Variants in KLHL41 observed in about 807,000 individuals in gnomAD.
The protein encoded by KLHL41 is kelch-like protein 41.
KLHL41 carries 31 observed loss-of-function variants against 49.2 expected under a neutral mutation model. The observed-to-expected ratio is 0.63, with a 90% CI of 0.47 to 0.85. The LOEUF (loss-of-function observed/expected upper bound fraction) is 0.85. Ranked by LOEUF, KLHL41 falls within the 40% of genes least tolerant of loss-of-function variation. The pLI is 0.00. For missense variants in KLHL41, 663 were observed against 726.7 expected (o/e 0.91, Z 1.01); for synonymous variants, 218 against 258.5 (o/e 0.84, Z 1.50).
rs191852858 is a variant in KLHL41 at position 169,520,121 on chromosome 2, G to A, written c.1563-740G>A. On this transcript the variant is annotated intron_variant, in intron 4 of 5. Transcript: ENST00000284669. Reference sequence around the variant, plus strand: ...CTCAAGAGATCCTCCCAAGTAGCTGGGACTATAGGGACATACCACCAGGCC... The same window carrying A: ...CTCAAGAGATCCTCCCAAGTAGCTGAGACTATAGGGACATACCACCAGGCC... Among the ~76,000 whole-genome samples the A allele has an allele frequency of 4.7e-3, 701 of 149,280 alleles. 4 individuals carry two copies. Among genetic ancestry groups the A allele is most frequent in the Non-Finnish European group, 7.2e-3 (483 of 67,542 alleles).
intron 1 of KLHL41, among the ~76,000 whole-genome samples, chr2:169,513,162 T>C (rs1684056375): frequency 6.6e-6 from 1 of 152,210 alleles, no homozygotes; most frequent in African/African-American, 2.4e-5. Flanking sequence ...TATGGGATTA[T>C]GATGGCTGCT....
rs187532004 is a variant in KLHL41, at chr2:169,523,179, T to C, written c.1709+2172T>C. On this transcript the variant is annotated intron_variant, in intron 5 of 5. Transcript: ENST00000284669. ...AACAGTTACAGGCAGCAAAAGAAAG[T>C]ACAGAATCTCCTGCTATAAAAGTGG... Among the ~76,000 whole-genome samples the C allele has an allele frequency of 9.7e-4, 148 of 152,256 alleles. 1 individual carries two copies. Among genetic ancestry groups the C allele is most frequent in the Non-Finnish European group, 9.6e-4 (65 of 68,000 alleles).
Position 169,510,972 on chromosome 2 carries a change from A to G in KLHL41, c.1110+84A>G, listed in dbSNP as rs1023535195. 13 of 1,189,820 alleles carry G rather than the reference A, an allele frequency of 1.1e-5. No individual in the cohort carries two copies. In the East Asian group the frequency reaches 1.9e-4, roughly 17 times the overall value. 73.7% of individuals were successfully genotyped at this position (1,189,820 alleles called of 1,614,324 possible). ...AGTTAGCCAATTTGTGAATTATTCA[A>G]GCTGCTTGCATTTTACTCTAATTGA... On this transcript the variant is annotated intron_variant, in intron 1 of 5. Transcript: ENST00000284669. This position sits in a 1 kb window ranked among gnomAD's most constrained non-coding sequence, Gnocchi z 4.2.
chr2:169,525,732 T>C lies in KLHL41; in HGVS notation c.*36T>C, dbSNP rs1270028564. 3.3e-6 allele frequency: 4 copies of C among 1,221,400 alleles called. No individual in the cohort carries two copies. In the East Asian group the frequency reaches 7.0e-5, roughly 21 times the overall value. 75.7% of individuals were successfully genotyped at this position (1,221,400 alleles called of 1,614,324 possible). A position where few individuals can be genotyped will look rare whatever the true frequency, so the allele number is the denominator to read the frequency against. Reference sequence around the variant, plus strand: ...AAAACATAATAGATTGGGAGGTGGTTTGTTTGGTGAATGGGGCTTTAATTT... The same window carrying C: ...AAAACATAATAGATTGGGAGGTGGTCTGTTTGGTGAATGGGGCTTTAATTT... On this transcript the variant is annotated 3_prime_UTR_variant, in exon 6 of 6. Transcript: ENST00000284669.
rs1170762462 is a variant in KLHL41 at position 169,510,577 on chromosome 2, A to T, written c.799A>T (p.Ser267Cys). 1.2e-6 allele frequency: 2 copies of T among 1,614,206 alleles called. No individual in the cohort carries two copies. The highest frequency in any genetic ancestry group is 1.7e-6 in the Non-Finnish European group (2 of 1,180,028). ...DAFAGKLPEP[S>C]KNAAKTGAGE... is the part of the protein sequence containing the mutation. ...TTTCGCAGGCAAACTCCCAGAACCTAGCAAAAATGCCGCGAAGACTGGGGC... is the reference window on the plus strand; with the variant it reads ...TTTCGCAGGCAAACTCCCAGAACCTTGCAAAAATGCCGCGAAGACTGGGGC... The change falls in exon 1 of 6, where the codon AGC becomes TGC. Residue 267 changes from serine (S) to cysteine (C), a missense_variant. This residue lies in a region of KLHL41 where 528 missense variants were observed against 581.0 expected (regional missense o/e 0.91). Coordinates refer to ENST00000284669, the MANE Select transcript of KLHL41 (RefSeq NM_006063.3). This position sits in a 1 kb window ranked among gnomAD's most constrained non-coding sequence, Gnocchi z 4.2.
intron 3 of KLHL41, among the ~76,000 whole-genome samples, chr2:169,516,744 G>T (rs1314365062): frequency 2.0e-5 from 3 of 152,206 alleles, no homozygotes. Flanking sequence ...GTGCTGGGCT[G>T]GGTGCAGTGG....
At chr2:169,525,528 C>A in intron 5 of KLHL41, 57 bp from the exon 6 acceptor site, 2 of 1,056,936 alleles carry the variant, frequency 1.9e-6, no homozygotes, top group Non-Finnish European at 2.9e-6. Context: ...ATTCTGAACA[C>A]AGGGAAACCT....
In KLHL41 at chr2:169,520,871, A is replaced by G. The variant is rs766304026; in HGVS notation, c.1573A>G (p.Met525Val). The change falls in exon 5 of 6, where the codon ATG (methionine) becomes GTG (valine). Residue 525 changes from methionine (M) to valine (V), a missense_variant. Physicochemically the swap from Met to Val is conservative, Grantham distance 21. Coordinates refer to ENST00000284669, the MANE Select transcript of KLHL41 (RefSeq NM_006063.3). ...TTTAATGATACCTAGATGGGATGTAATGACCGAATTTCCCCAAGAAAGAAG... is the reference window on the plus strand; with the variant it reads ...TTTAATGATACCTAGATGGGATGTAGTGACCGAATTTCCCCAAGAAAGAAG... Reference protein sequence around the residue: ...FDLTTNKWDVMTEFPQERSSI... With the variant: ...FDLTTNKWDVVTEFPQERSSI... The G allele has an allele frequency of 6.2e-7, 1 of 1,611,372 alleles. No homozygotes were observed. Among genetic ancestry groups the G allele is most frequent in the Non-Finnish European group, 8.5e-7 (1 of 1,177,872 alleles).
chr2:169,517,080 C>T (rs998671489), intron 3 of KLHL41, among the ~76,000 whole-genome samples: 3 of 152,032 alleles, frequency 2.0e-5, no homozygotes, highest in African/African-American at 7.2e-5. Flanking sequence ...ATTTGAAGAA[C>T]GTGATTTTGG....
intron 1 of KLHL41, among the ~76,000 whole-genome samples, chr2:169,512,997 G>C (rs1684051463): frequency 6.6e-6 from 1 of 152,108 alleles, no homozygotes; most frequent in African/African-American, 2.4e-5. Flanking sequence ...TAACAATGAG[G>C]AAAGTTGAAC....
chr2:169,518,040 T>G, intron 3 of KLHL41, 150 bp from the exon 4 acceptor site: 1 of 578,330 alleles, frequency 1.7e-6, no homozygotes, highest in Non-Finnish European at 3.0e-6. Flanking sequence ...TTTGGGCTTG[T>G]CCTTTGTTTA....
At chr2:169,525,482 A>G in intron 5 of KLHL41, 103 bp from the exon 6 acceptor site, 1 of 693,052 alleles carries the variant, frequency 1.4e-6, no homozygotes, top group South Asian at 1.8e-5. Flanking sequence ...CTTCTGAGTA[A>G]GAGCCACTAG....
At position 169,525,910 on chromosome 2, in the gene KLHL41, T is replaced by A. The variant is rs1684298264; in HGVS notation, c.*214T>A. The A allele has an allele frequency of 5.6e-6, 2 of 356,886 alleles. No individual in the cohort carries two copies. The highest frequency in any genetic ancestry group is 1.0e-5 in the Non-Finnish European group (2 of 199,882). The allele number at this position is 356,886 out of a possible 1,614,324, so 22.1% of individuals were successfully genotyped here. A position where few individuals can be genotyped will look rare whatever the true frequency, so the allele number is the denominator to read the frequency against. On this transcript the variant is annotated 3_prime_UTR_variant, in exon 6 of 6. Transcript: ENST00000284669. Reference sequence around the variant, plus strand: ...AACCATTTTCTAATAATAAATTAAATCTTCAGTTGAACAAATTATTTTGTG... The same window carrying A: ...AACCATTTTCTAATAATAAATTAAAACTTCAGTTGAACAAATTATTTTGTG...
At position 169,510,436 on chromosome 2, in the gene KLHL41, G is replaced by C; in HGVS notation, c.658G>C (p.Asp220His). Reference protein sequence around the residue: ...NRVKNLSEVFDCIRFRLMTEK... With the variant: ...NRVKNLSEVFHCIRFRLMTEK... ...GGTTAAAAACCTTAGTGAAGTGTTT[G>C]ATTGTATCCGTTTTCGCCTTATGAC... The change falls in exon 1 of 6, where the codon GAT becomes CAT. Residue 220 changes from aspartate (D) to histidine (H), a missense_variant. Coordinates refer to ENST00000284669, the MANE Select transcript of KLHL41 (RefSeq NM_006063.3). This position sits in a 1 kb window ranked among gnomAD's most constrained non-coding sequence, Gnocchi z 4.2. 1 of 1,614,072 alleles carries C rather than the reference G, an allele frequency of 6.2e-7. No individual in the cohort carries two copies. The highest frequency in any genetic ancestry group is 8.5e-7 in the Non-Finnish European group (1 of 1,180,024).
At chr2:169,513,436 A>C (rs1368000180) in intron 1 of KLHL41, among the ~76,000 whole-genome samples, 1 of 152,236 alleles carries the variant, frequency 6.6e-6, no homozygotes, top group Non-Finnish European at 1.5e-5. Context: ...CTTCATGATC[A>C]AAGAATTTCT....
chr2:169,521,192 G>T (rs926439738), intron 5 of KLHL41, among the ~76,000 whole-genome samples, 185 bp downstream of exon 5: 1 of 152,128 alleles, frequency 6.6e-6, no homozygotes, highest in Non-Finnish European at 1.5e-5. Context: ...TCTACTTCTA[G>T]TTAGCTCTGA....
chr2:169,519,014 C>G (rs1220058882), intron 4 of KLHL41, among the ~76,000 whole-genome samples: 1 of 152,032 alleles, frequency 6.6e-6, no homozygotes, highest in African/African-American at 2.4e-5. Context: ...ATATACATGT[C>G]TCTGTGGAAT....
At chr2:169,524,418 C>CTTTTT (rs113248017) in intron 5 of KLHL41, among the ~76,000 whole-genome samples, 15 of 116,018 alleles carry the variant, frequency 1.3e-4, no homozygotes, top group Middle Eastern at 4.6e-3. Context: ...TGGGGTAAAT[C>CTTTTT]TTTTTTTTTT....
intron 4 of KLHL41, among the ~76,000 whole-genome samples, chr2:169,520,314 G>GTGTGTGTC (rs1553531993): frequency 3.9e-5 from 4 of 103,518 alleles, no homozygotes; most frequent in Admixed American, 1.1e-4. Flanking sequence ...GTGTGTGTAT[G>GTGTGTGTC]TGTGTGTGTG....
Sources: gnomAD v4.1 joint callset for allele counts (sites outside exome capture counted in the v4.1 genomes callset) on GRCh38, gnomAD v4.1.1 for gene constraint, gnomAD v4.1.1 regional missense constraint, Gnocchi (gnomAD v3.1) non-coding constraint, MANE v1.5 for transcripts, NCBI Gene and HGNC (gene_info 2026-07-23, HGNC 2026-07-21) for gene names.